Variants in CREG2 observed in about 807,000 individuals in gnomAD.
CREG2 encodes cellular repressor of E1A stimulated genes 2, also known as protein CREG2.
CREG2 carries 24 observed loss-of-function variants against 26.2 expected under a neutral mutation model. The observed-to-expected ratio is 0.92, with a 90% confidence interval of 0.66 to 1.29. The LOEUF is 1.29. CREG2 is among the 50% of genes most tolerant of loss of function. The pLI is 0.00. For synonymous variants in CREG2, 174 were observed against 169.2 expected (o/e 1.03, Z -0.22); for missense variants, 366 against 398.6 (o/e 0.92, Z 0.70).
intron 2 of CREG2, among the ~76,000 whole-genome samples, chr2:101,372,842 G>C (rs1257262475): frequency 6.6e-6 from 1 of 152,194 alleles, no homozygotes; most frequent in African/African-American, 2.4e-5. Flanking sequence ...TAAATAGACA[G>C]TTCCCCAAAG....
At chr2:101,359,071 A>AAAAAG (rs1684504322) in intron 2 of CREG2, among the ~76,000 whole-genome samples, 1 of 13,530 alleles carries the variant, frequency 7.4e-5, no homozygotes. Context: ...AAAAAAAAAA[A>AAAAAG]AGAGAGAACT....
At chr2:101,378,259 A>G (rs1162202291) in intron 2 of CREG2, among the ~76,000 whole-genome samples, 1 of 152,186 alleles carries the variant, frequency 6.6e-6, no homozygotes, top group Non-Finnish European at 1.5e-5. Flanking sequence ...TCATTTTACA[A>G]ATGACTTAAG....
intron 2 of CREG2, among the ~76,000 whole-genome samples, chr2:101,357,726 CCT>C (rs777009421): frequency 6.6e-6 from 1 of 151,776 alleles, no homozygotes; most frequent in Non-Finnish European, 1.5e-5. Context: ...ATTATTAACC[CCT>C]GTTTAGAAGT....
intron 1 of CREG2, 65 bp downstream of exon 1, chr2:101,386,952 C>A: frequency 8.1e-7 from 1 of 1,227,438 alleles, no homozygotes; most frequent in South Asian, 4.1e-5. Context: ...GAGCACGTCC[C>A]TGTCCCCGTC....
chr2:101,378,298 G>A (rs1049958165), intron 2 of CREG2, among the ~76,000 whole-genome samples: 2 of 152,146 alleles, frequency 1.3e-5, no homozygotes, highest in East Asian at 1.9e-4. Context: ...ACAGTTCTTA[G>A]TAGCCTTTAC....
At chr2:101,365,690 T>G (rs1684609150) in intron 2 of CREG2, among the ~76,000 whole-genome samples, 1 of 152,198 alleles carries the variant, frequency 6.6e-6, no homozygotes, top group African/African-American at 2.4e-5. Context: ...TGGCACCATT[T>G]TCCTGGTTAT....
chr2:101,377,750 GA>G (rs1233240529), intron 2 of CREG2, among the ~76,000 whole-genome samples: 2 of 152,138 alleles, frequency 1.3e-5, no homozygotes, highest in Non-Finnish European at 2.9e-5. Flanking sequence ...TTAATTAAAT[GA>G]AGGCATCACA....
intron 2 of CREG2, among the ~76,000 whole-genome samples, chr2:101,355,846 C>A (rs1684449608): frequency 6.6e-6 from 1 of 152,036 alleles, no homozygotes; most frequent in South Asian, 2.1e-4. Flanking sequence ...ACTCTGGAGT[C>A]CCAGAGGGCA....
In CREG2 at chr2:101,387,004, G is replaced by T. The variant is rs540671413; in HGVS notation, c.441+13C>A. On this transcript the variant is annotated intron_variant, in intron 1 of 3. Coordinates refer to ENST00000324768, the MANE Select transcript of CREG2 (RefSeq NM_153836.4). The surrounding 1 kb of genome is among the most constrained non-coding windows in gnomAD (Gnocchi z 4.7). Reference sequence around the variant, plus strand: ...AATGCCAGGCCCCCTCGCGCTCCCCGCCGGGCGCTCACCTTCTTGTGGGTG... The same window carrying T: ...AATGCCAGGCCCCCTCGCGCTCCCCTCCGGGCGCTCACCTTCTTGTGGGTG... The T allele has an allele frequency of 4.5e-5, 56 of 1,232,572 alleles. No homozygotes were observed. In the African/African-American group the frequency reaches 8.4e-4, roughly 18 times the overall value. The allele number at this position is 1,232,572 out of a possible 1,614,324, so 76.4% of individuals were successfully genotyped here.
chr2:101,358,272 G>C (rs969172106), intron 2 of CREG2, among the ~76,000 whole-genome samples: 1 of 152,156 alleles, frequency 6.6e-6, no homozygotes, highest in Admixed American at 6.5e-5. Context: ...GATTACAGGC[G>C]TGAGCCACCG....
intron 3 of CREG2, among the ~76,000 whole-genome samples, chr2:101,351,946 C>T (rs1263665677): frequency 6.6e-6 from 1 of 151,818 alleles, no homozygotes; most frequent in African/African-American, 2.4e-5. Context: ...AGTGCAGTGG[C>T]GGGATCATAG....
intron 2 of CREG2, among the ~76,000 whole-genome samples, chr2:101,363,025 G>A (rs1684566632): frequency 1.3e-5 from 2 of 152,286 alleles, no homozygotes; most frequent in African/African-American, 2.4e-5. Context: ...CTCAACAGGT[G>A]GCCTCTGCTG....
rs749844560 is a variant in CREG2, at chr2:101,346,869, C to T, written c.*4054G>A. The T allele has an allele frequency of 6.6e-6, 1 of 152,274 alleles. No homozygotes were observed. Among genetic ancestry groups the T allele is most frequent in the South Asian group, 2.1e-4 (1 of 4,824 alleles). 9.4% of individuals were successfully genotyped at this position (152,274 alleles called of 1,614,324 possible). ...TTCCCCAATGGCACATCTTGCTAAA[C>T]TACAGTACAATATCCCAACCAGGAT... On this transcript the variant is annotated 3_prime_UTR_variant, in exon 4 of 4. Transcript: ENST00000324768.
intron 2 of CREG2, among the ~76,000 whole-genome samples, chr2:101,379,220 G>A (rs1014048283): frequency 6.6e-6 from 1 of 152,128 alleles, no homozygotes; most frequent in African/African-American, 2.4e-5. Flanking sequence ...GACATTTTAG[G>A]GAAAGTTCAG....
chr2:101,376,295 T>A (rs66846729), intron 2 of CREG2, among the ~76,000 whole-genome samples: 3,287 of 128,236 alleles, frequency 0.026, 112 homozygotes, highest in African/African-American at 0.089. Flanking sequence ...TTTTTTTTTT[T>A]AACACAGAGT....
intron 2 of CREG2, among the ~76,000 whole-genome samples, chr2:101,356,936 C>T (rs1293775607): frequency 1.3e-5 from 2 of 151,582 alleles, no homozygotes; most frequent in African/African-American, 2.4e-5. Context: ...GTCACCCAGG[C>T]TGGAGTGCAA....
At chr2:101,383,808 G>C (rs997177204) in intron 1 of CREG2, 106 bp from the exon 2 acceptor site, 60 of 1,060,300 alleles carry the variant, frequency 5.7e-5, no homozygotes, top group Non-Finnish European at 7.9e-5. Flanking sequence ...AGGGATGAGG[G>C]GGGATCATGG....
chr2:101,365,348 T>C (rs1340936206), intron 2 of CREG2, among the ~76,000 whole-genome samples: 3 of 152,146 alleles, frequency 2.0e-5, no homozygotes, highest in Non-Finnish European at 2.9e-5. Context: ...GATCCAGAAC[T>C]GCCCTTGAAA....
intron 2 of CREG2, 145 bp from the exon 3 acceptor site, chr2:101,355,511 G>T: frequency 1.6e-6 from 1 of 613,014 alleles, no homozygotes; most frequent in Non-Finnish European, 2.9e-6. Flanking sequence ...TATCATTCAG[G>T]TTATGTTACG....
Sources: gnomAD v4.1 joint callset for allele counts (sites outside exome capture counted in the v4.1 genomes callset) on GRCh38, gnomAD v4.1.1 for gene constraint, Gnocchi (gnomAD v3.1) non-coding constraint, MANE v1.5 for transcripts, NCBI Gene and HGNC (gene_info 2026-07-23, HGNC 2026-07-21) for gene names.